The following CNTLN variants were observed in gnomAD, a reference collection of about 807,000 sequenced individuals.
The protein encoded by CNTLN is centlein, centrosomal protein.
Under a neutral mutation model 180.0 loss-of-function variants are expected in CNTLN, and 212 were observed. That is an observed-to-expected ratio of 1.18 (90% CI 1.05 to 1.32). CNTLN has a LOEUF of 1.32. Among genes scored for constraint, CNTLN ranks in the 40% most tolerant of loss-of-function variants. CNTLN has a pLI of 0.00. For synonymous variants in CNTLN, 722 were observed against 563.1 expected, an observed-to-expected ratio of 1.28 and a Z score of -3.99; for missense variants, 2,095 against 1,610.9, an observed-to-expected ratio of 1.30 and a Z score of -5.14.
At chr9:17,497,255 C>A (rs189966459) in intron 25 of CNTLN, among the ~76,000 whole-genome samples, 182 of 152,174 alleles carry the variant, frequency 1.2e-3, no homozygotes, top group African/African-American at 4.3e-3. Flanking sequence ...TGCTGAGGAG[C>A]CAGTGACAAG....
At position 17,165,630 on chromosome 9, in the gene CNTLN, G is replaced by A. The variant is rs181700160; in HGVS notation, c.449+22254G>A. 8.8e-4 allele frequency among the ~76,000 whole-genome samples: 134 copies of A among 152,282 alleles called. No individual in the cohort carries two copies. In the Middle Eastern group the frequency reaches 0.017, roughly 19 times the overall value. ...CTCCTCTCATTAAGGCAGGAGGCAG[G>A]AAGTTTATTTCCTTGAAAAATTGAA... On this transcript the variant is annotated intron_variant, in intron 2 of 25. Coordinates refer to ENST00000380647, the MANE Select transcript of CNTLN (RefSeq NM_017738.4).
At chr9:17,249,835 G>A (rs1757820636) in intron 5 of CNTLN, among the ~76,000 whole-genome samples, 1 of 149,696 alleles carries the variant, frequency 6.7e-6, no homozygotes, top group Non-Finnish European at 1.5e-5. Context: ...ATGTACTTGA[G>A]TAGCACGTTT....
At chr9:17,373,599 A>G (rs1824508947) in intron 13 of CNTLN, among the ~76,000 whole-genome samples, 1 of 152,154 alleles carries the variant, frequency 6.6e-6, no homozygotes, top group South Asian at 2.1e-4. Context: ...AAAAATACCA[A>G]TGACATTCTT....
At chr9:17,244,297 C>T (rs763631228) in intron 5 of CNTLN, among the ~76,000 whole-genome samples, 34 of 151,908 alleles carry the variant, frequency 2.2e-4, no homozygotes, top group Non-Finnish European at 3.7e-4. Context: ...CTTCAGTCTC[C>T]ACCTCCTAGG....
At chr9:17,164,457 GTT>G (rs772109564) in intron 2 of CNTLN, among the ~76,000 whole-genome samples, 12 of 68,454 alleles carry the variant, frequency 1.8e-4, no homozygotes, top group African/African-American at 5.5e-4. Flanking sequence ...TTATTTTTAT[GTT>G]TTTTTTTTTT....
intron 12 of CNTLN, among the ~76,000 whole-genome samples, chr9:17,347,793 C>T (rs1219555151): frequency 2.6e-5 from 4 of 151,946 alleles, no homozygotes; most frequent in Admixed American, 6.5e-5. Flanking sequence ...CATTAGTTTA[C>T]AGTTGGGCAA....
chr9:17,262,684 T>A (rs1336768524), intron 5 of CNTLN, among the ~76,000 whole-genome samples: 1 of 151,328 alleles, frequency 6.6e-6, no homozygotes, highest in Non-Finnish European at 1.5e-5. Context: ...ATGGCACATG[T>A]ATACCCATGC....
intron 8 of CNTLN, among the ~76,000 whole-genome samples, chr9:17,319,050 G>A (rs1420909200): frequency 3.3e-5 from 5 of 152,216 alleles, no homozygotes; most frequent in Non-Finnish European, 7.3e-5. Flanking sequence ...GAAACAAATA[G>A]GAACCTGTGG....
chr9:17,489,614 A>G (rs1833047732), intron 25 of CNTLN, among the ~76,000 whole-genome samples: 1 of 152,072 alleles, frequency 6.6e-6, no homozygotes, highest in Admixed American at 6.6e-5. Flanking sequence ...TCATATTGAT[A>G]AAATATTCAC....
At chr9:17,372,403 A>G (rs953741408) in intron 13 of CNTLN, among the ~76,000 whole-genome samples, 6 of 152,074 alleles carry the variant, frequency 3.9e-5, no homozygotes, top group African/African-American at 1.4e-4. Context: ...TACACATACA[A>G]CCTACTAAGA....
chr9:17,183,022 T>A (rs1045844968), intron 2 of CNTLN, among the ~76,000 whole-genome samples: 2 of 152,230 alleles, frequency 1.3e-5, no homozygotes, highest in African/African-American at 4.8e-5. Flanking sequence ...GGTGTCTGCA[T>A]CTGTGAGTAG....
At chr9:17,517,780 C>G in the CNTLN span, among the ~76,000 whole-genome samples, 4 of 152,066 alleles carry the variant, frequency 2.6e-5, no homozygotes, top group African/African-American at 9.7e-5. Context: ...ATTTCTGTTG[C>G]TTTAAGTCAT....
the CNTLN span, among the ~76,000 whole-genome samples, chr9:17,527,936 T>G: frequency 6.6e-6 from 1 of 151,984 alleles, no homozygotes; most frequent in African/African-American, 2.4e-5. Flanking sequence ...CTGGAACAAT[T>G]TGATCAACAA....
At chr9:17,432,103 A>T (rs1829450898) in intron 18 of CNTLN, among the ~76,000 whole-genome samples, 1 of 152,226 alleles carries the variant, frequency 6.6e-6, no homozygotes, top group Non-Finnish European at 1.5e-5. Context: ...GTACTTTGAA[A>T]CATGAATGAA....
At chr9:17,446,360 G>A (rs1163818640) in intron 18 of CNTLN, among the ~76,000 whole-genome samples, 1 of 152,098 alleles carries the variant, frequency 6.6e-6, no homozygotes, top group Non-Finnish European at 1.5e-5. Flanking sequence ...CCGTTTTTAA[G>A]TATTAAGATG....
chr9:17,508,666 G>A (rs755486357), downstream of CNTLN, among the ~76,000 whole-genome samples: 3 of 152,168 alleles, frequency 2.0e-5, no homozygotes, highest in Admixed American at 1.3e-4. Context: ...ATTATGGAAT[G>A]TATAGCCTTT....
At chr9:17,364,503 C>T (rs1156551518) in intron 12 of CNTLN, among the ~76,000 whole-genome samples, 1 of 151,824 alleles carries the variant, frequency 6.6e-6, no homozygotes, top group Non-Finnish European at 1.5e-5. Context: ...AACCCCTGTT[C>T]TTTTTTAATA....
At chr9:17,494,205 T>A (rs1833320807) in intron 25 of CNTLN, among the ~76,000 whole-genome samples, 1 of 152,202 alleles carries the variant, frequency 6.6e-6, no homozygotes, top group South Asian at 2.1e-4. Flanking sequence ...TTTAAAAGCA[T>A]ATCTGTTTGC....
chr9:17,227,772 T>C (rs1028610491), intron 3 of CNTLN, among the ~76,000 whole-genome samples: 1 of 152,100 alleles, frequency 6.6e-6, no homozygotes, highest in Non-Finnish European at 1.5e-5. Context: ...GAGTTTTTCT[T>C]ATAGAAAATG....
Sources: gnomAD v4.1 joint callset for allele counts (sites outside exome capture counted in the v4.1 genomes callset) on GRCh38, gnomAD v4.1.1 for gene constraint, MANE v1.5 for transcripts, NCBI Gene and HGNC (gene_info 2026-07-23, HGNC 2026-07-21) for gene names.